IFI35: variants seen among roughly 807,000 people sequenced by gnomAD.
IFI35 encodes the protein interferon induced protein 35, also known as interferon-induced 35 kDa protein.
Under a neutral mutation model 28.6 loss-of-function variants are expected in IFI35, and 30 were observed. The ratio of observed to expected loss-of-function variants is 1.05; its 90% CI spans 0.79 to 1.43. IFI35 has a LOEUF of 1.43. Among genes scored for constraint, IFI35 ranks in the 40% most tolerant of loss-of-function variants. The pLI, the probability that IFI35 is intolerant of heterozygous loss-of-function variation, is 0.00. For missense variants in IFI35, 372 were observed against 356.9 expected (o/e 1.04, Z -0.34); for synonymous variants, 146 against 154.8 (o/e 0.94, Z 0.42).
Position 43,006,802 on chromosome 17 carries a change from AGCCTC to A in IFI35, c.-145_-141del, listed in dbSNP as rs2050411016. ...GTGGAAGCAAACAGCCTGCGAGCAG[AGCCTC>A]CTGAGGTGTATTTCGGGTCTTGCTG... On this transcript the variant is annotated 5_prime_UTR_variant, in exon 1 of 7. Transcript: ENST00000415816. The A allele has an allele frequency of 1.3e-6, 1 of 748,144 alleles. No homozygotes were observed. Among genetic ancestry groups the A allele is most frequent in the Non-Finnish European group, 2.4e-6 (1 of 422,622 alleles). The allele number at this position is 748,144 out of a possible 1,614,324, so 46.3% of individuals were successfully genotyped here. A position where few individuals can be genotyped will look rare whatever the true frequency, so the allele number is the denominator to read the frequency against.
chr17:43,006,984 G>A lies in IFI35; in HGVS notation c.21+16G>A. On this transcript the variant is annotated intron_variant, in intron 1 of 6. Transcript: ENST00000415816. ...ACTGGATGCCGTAAGTGAGGAGGAG[G>A]GAGTTGGGAAGTGGGGAAACAGGAG... is the stretch of plus-strand genomic sequence containing the variant. 1 of 1,613,796 alleles carries A rather than the reference G, an allele frequency of 6.2e-7. No homozygotes were observed. The highest frequency in any genetic ancestry group is 2.2e-5 in the East Asian group (1 of 44,878).
chr17:43,009,645 C>T (rs1159257346), intron 1 of IFI35, among the ~76,000 whole-genome samples: 4 of 151,830 alleles, frequency 2.6e-5, no homozygotes, highest in East Asian at 1.9e-4. Flanking sequence ...CCCAGCTACT[C>T]GGGAGGCTGA....
chr17:43,011,463 G>C (rs185685895), intron 1 of IFI35, among the ~76,000 whole-genome samples: 1 of 151,986 alleles, frequency 6.6e-6, no homozygotes, highest in Non-Finnish European at 1.5e-5. Flanking sequence ...AGGCTGCAGT[G>C]AGCCAAGATC....
intron 2 of IFI35, chr17:43,012,696 C>T: frequency 3.5e-6 from 1 of 283,598 alleles, no homozygotes; most frequent in Admixed American, 4.9e-5. Context: ...GATCATGCCA[C>T]TACACTCCAG....
intron 1 of IFI35, among the ~76,000 whole-genome samples, chr17:43,010,581 G>A: frequency 6.6e-6 from 1 of 152,172 alleles, no homozygotes; most frequent in Non-Finnish European, 1.5e-5. Context: ...CACTGTGTTA[G>A]CACTCTCTGA....
chr17:43,008,706 G>C (rs1030007881), intron 1 of IFI35, among the ~76,000 whole-genome samples: 1 of 151,122 alleles, frequency 6.6e-6, no homozygotes, highest in African/African-American at 2.4e-5. Context: ...TGTATTTTTG[G>C]TAGAGATGGG....
At position 43,012,078 on chromosome 17, in the gene IFI35, C is replaced by T. The variant is rs137881563; in HGVS notation, c.22-101C>T. On this transcript the variant is annotated intron_variant, in intron 1 of 6. Coordinates refer to ENST00000415816, the MANE Select transcript of IFI35 (RefSeq NM_001330230.2). Reference sequence around the variant, plus strand: ...GGGTTGTTCTTGAGCTTAGCATCAACTCTGCTTTTGGAGCGTCCAGAATAG... The same window carrying T: ...GGGTTGTTCTTGAGCTTAGCATCAATTCTGCTTTTGGAGCGTCCAGAATAG... 1.6e-3 allele frequency: 1,248 copies of T among 794,794 alleles called. 6 individuals carry two copies. The highest frequency in any genetic ancestry group is 1.8e-3 in the Non-Finnish European group (935 of 510,434). 49.2% of individuals were successfully genotyped at this position (794,794 alleles called of 1,614,324 possible). A position where few individuals can be genotyped will look rare whatever the true frequency, so the allele number is the denominator to read the frequency against.
In IFI35 at chr17:43,006,968, CG is replaced by C. The variant is rs1567741269; in HGVS notation, c.21+1del. The C allele has an allele frequency of 6.2e-7, 1 of 1,613,900 alleles. No individual in the cohort carries two copies. The highest frequency in any genetic ancestry group is 8.5e-7 in the Non-Finnish European group (1 of 1,179,882). On this transcript the variant is annotated splice_donor_variant, in intron 1 of 6. Coordinates refer to ENST00000415816, the MANE Select transcript of IFI35 (RefSeq NM_001330230.2). LOFTEE classifies it high-confidence loss of function. Reference sequence around the variant, plus strand: ...GACCCATGTCAGCCCCACTGGATGCCGTAAGTGAGGAGGAGGGAGTTGGGAA... The same window carrying C: ...GACCCATGTCAGCCCCACTGGATGCCTAAGTGAGGAGGAGGGAGTTGGGAA...
intron 6 of IFI35, 78 bp from the exon 7 acceptor site, chr17:43,014,030 A>T: frequency 7.0e-7 from 1 of 1,438,612 alleles, no homozygotes; most frequent in Non-Finnish European, 9.7e-7. Flanking sequence ...TCATACCCCC[A>T]TGGGGCACTG....
chr17:43,007,096 G>A, intron 1 of IFI35, 128 bp downstream of exon 1: 1 of 1,027,678 alleles, frequency 9.7e-7, no homozygotes, highest in East Asian at 2.4e-5. Context: ...TGAAGGGCTG[G>A]GGAGAAACAC....
intron 1 of IFI35, among the ~76,000 whole-genome samples, chr17:43,011,091 A>C (rs1448905454): frequency 6.6e-6 from 1 of 151,846 alleles, no homozygotes; most frequent in East Asian, 1.9e-4. Flanking sequence ...TGGGTAAACT[A>C]CCTCCCCACT....
chr17:43,013,430 G>A, intron 4 of IFI35, 46 bp from the exon 5 acceptor site: 1 of 1,611,394 alleles, frequency 6.2e-7, no homozygotes, highest in Non-Finnish European at 8.5e-7. Context: ...CTGGGCATGG[G>A]GAAGTGGAGC....
At chr17:43,007,847 T>TATATATATATATATATATATATA (rs2050421792) in intron 1 of IFI35, among the ~76,000 whole-genome samples, 11 of 119,024 alleles carry the variant, frequency 9.2e-5, no homozygotes, top group African/African-American at 4.2e-4. Flanking sequence ...CACACAAAAT[T>TATATATATATATATATATATATA]TATATATATA....
At chr17:43,012,347 G>A in intron 2 of IFI35, 70 bp downstream of exon 2, 3 of 1,141,050 alleles carry the variant, frequency 2.6e-6, no homozygotes, top group Admixed American at 2.1e-5. Context: ...GCTCACACCT[G>A]TAAACCCAGC....
At chr17:43,013,935 C>A (rs972766292) in intron 6 of IFI35, 53 bp downstream of exon 6, 77 of 1,400,406 alleles carry the variant, frequency 5.5e-5, no homozygotes, top group Non-Finnish European at 7.2e-5. Flanking sequence ...TGTCTGCCTG[C>A]CAGGAACTTG....
chr17:43,009,663 G>A (rs1018219235), intron 1 of IFI35, among the ~76,000 whole-genome samples: 1 of 152,092 alleles, frequency 6.6e-6, no homozygotes, highest in Non-Finnish European at 1.5e-5. Flanking sequence ...TGAGGCAGGA[G>A]AATCGCTTGA....
intron 1 of IFI35, among the ~76,000 whole-genome samples, chr17:43,008,507 C>T (rs925887223): frequency 7.6e-5 from 11 of 145,456 alleles, no homozygotes; most frequent in African/African-American, 1.5e-4. Context: ...CATGCCACCA[C>T]GCCTGGCTCA....
rs1226786129 is a variant in IFI35 at position 43,014,015 on chromosome 17, C to G, written c.670-93C>G. 5 of 1,378,390 alleles carry G rather than the reference C, an allele frequency of 3.6e-6. No homozygotes were observed. The South Asian group carries it at 6.4e-5, about 18-fold the overall frequency. 85.4% of individuals were successfully genotyped at this position (1,378,390 alleles called of 1,614,324 possible). ...CCACCATCAGCCTCTCCAGGCCTCC[C>G]GACCTCATACCCCCATGGGGCACTG... is the stretch of plus-strand genomic sequence containing the variant. On this transcript the variant is annotated intron_variant, in intron 6 of 6. Coordinates refer to ENST00000415816, the MANE Select transcript of IFI35 (RefSeq NM_001330230.2).
intron 1 of IFI35, among the ~76,000 whole-genome samples, chr17:43,008,853 G>T (rs972352915): frequency 6.6e-6 from 1 of 151,786 alleles, no homozygotes; most frequent in African/African-American, 2.4e-5. Context: ...CAGGGTTTCA[G>T]CATGTTGGCC....
Sources: gnomAD v4.1 joint callset for allele counts (sites outside exome capture counted in the v4.1 genomes callset) on GRCh38, gnomAD v4.1.1 for gene constraint, MANE v1.5 for transcripts, NCBI Gene and HGNC (gene_info 2026-07-23, HGNC 2026-07-21) for gene names.